The following SPG21 variants were observed in gnomAD, a reference collection of about 807,000 sequenced individuals.
The protein encoded by SPG21 is maspardin.
In SPG21, 26 loss-of-function variants were observed where a neutral mutation model predicts 38.9. The observed-to-expected ratio is 0.67, with a 90% CI of 0.49 to 0.93. The LOEUF is 0.93. SPG21 is among the 40% of genes least tolerant of loss of function. The pLI is 0.00. For missense variants in SPG21, 333 were observed against 376.5 expected (o/e 0.88, Z 0.96); for synonymous variants, 136 against 128.9 (o/e 1.05, Z -0.37).
intron 7 of SPG21, 79 bp from the exon 8 acceptor site, chr15:64,965,539 G>A (rs1342691515): frequency 6.3e-7 from 1 of 1,579,956 alleles, no homozygotes; most frequent in African/African-American, 1.3e-5. Flanking sequence ...ATCAACTAGT[G>A]TTTTAATATG....
intron 5 of SPG21, among the ~76,000 whole-genome samples, chr15:64,972,987 AG>A (rs2085701262): frequency 1.3e-5 from 2 of 152,078 alleles, no homozygotes; most frequent in African/African-American, 4.8e-5. Flanking sequence ...TTTTTGAAGT[AG>A]GGTCTTGCTC....
intron 2 of SPG21, chr15:64,983,078 T>C: frequency 4.3e-6 from 1 of 233,714 alleles, no homozygotes; most frequent in Non-Finnish European, 9.3e-6. Flanking sequence ...GCCAACATGG[T>C]GAAACTCTGC....
At chr15:64,967,222 AC>A (rs909512588) in intron 7 of SPG21, among the ~76,000 whole-genome samples, 8 of 152,092 alleles carry the variant, frequency 5.3e-5, no homozygotes, top group African/African-American at 1.7e-4. Context: ...GGATACATCT[AC>A]TATGTACCCA....
intron 6 of SPG21, 104 bp downstream of exon 6, chr15:64,970,010 A>C (rs2085629026): frequency 1.0e-6 from 1 of 980,946 alleles, no homozygotes; most frequent in Non-Finnish European, 1.6e-6. Flanking sequence ...CTGCTTAGCA[A>C]ATACCTCTTA....
At chr15:64,964,825 T>G in intron 8 of SPG21, among the ~76,000 whole-genome samples, 1 of 152,096 alleles carries the variant, frequency 6.6e-6, no homozygotes, top group South Asian at 2.1e-4. Flanking sequence ...GTAGAGACGG[T>G]TTCACCATAT....
At chr15:64,967,630 T>C (rs2085569165) in intron 7 of SPG21, among the ~76,000 whole-genome samples, 1 of 152,146 alleles carries the variant, frequency 6.6e-6, no homozygotes, top group South Asian at 2.1e-4. Flanking sequence ...TGTGCCACCA[T>C]GCCCGGCTAA....
intron 3 of SPG21, among the ~76,000 whole-genome samples, chr15:64,979,478 C>T (rs146960577): frequency 1.3e-5 from 2 of 152,120 alleles, no homozygotes; most frequent in Non-Finnish European, 2.9e-5. Flanking sequence ...AAACATGTCA[C>T]GTGAGGAATG....
At chr15:64,983,618 C>T in intron 1 of SPG21, 25 bp from the exon 2 acceptor site, 1 of 1,366,410 alleles carries the variant, frequency 7.3e-7, no homozygotes, top group Non-Finnish European at 1.0e-6. Context: ...TGTGATATTT[C>T]ACGTCAAGAA....
intron 1 of SPG21, 79 bp downstream of exon 1, chr15:64,989,586 A>T (rs1262080944): frequency 6.5e-6 from 1 of 153,718 alleles, no homozygotes; most frequent in Non-Finnish European, 1.4e-5. Flanking sequence ...CAACCAAGGC[A>T]GCCACGCGCC....
At chr15:64,983,358 G>C in intron 2 of SPG21, 149 bp downstream of exon 2, 1 of 624,296 alleles carries the variant, frequency 1.6e-6, no homozygotes, top group South Asian at 1.9e-5. Flanking sequence ...ACATGACAGG[G>C]AAGGAGTGAA....
chr15:64,964,006 C>T (rs1409258514), intron 8 of SPG21, among the ~76,000 whole-genome samples: 2 of 152,140 alleles, frequency 1.3e-5, no homozygotes, highest in African/African-American at 4.8e-5. Context: ...ATCCATCTGC[C>T]TCGGCCTCCC....
intron 3 of SPG21, among the ~76,000 whole-genome samples, chr15:64,979,395 C>T (rs2140437748): frequency 6.6e-6 from 1 of 152,292 alleles, no homozygotes; most frequent in South Asian, 2.1e-4. Context: ...AGTTCCCACC[C>T]TGTTCTAGAA....
At position 64,981,122 on chromosome 15, in the gene SPG21, G is replaced by A. The variant is rs116349414; in HGVS notation, c.64-97C>T. On this transcript the variant is annotated intron_variant, in intron 2 of 8. Transcript: ENST00000204566. ...TTTCACTGACAATTTTACTACTACT[G>A]CCTTGTTTGTTACAAGGTAACCTGG... 1.9e-3 allele frequency: 2,738 copies of A among 1,450,688 alleles called. 63 individuals carry two copies. In the African/African-American group the frequency reaches 0.035, roughly 19 times the overall value. 89.9% of individuals were successfully genotyped at this position (1,450,688 alleles called of 1,614,324 possible). A position where few individuals can be genotyped will look rare whatever the true frequency, so the allele number is the denominator to read the frequency against.
rs1435085211 is a variant in SPG21, at chr15:64,963,897, C to T, written c.811-161G>A. On this transcript the variant is annotated intron_variant, in intron 8 of 8. Coordinates refer to ENST00000204566, the MANE Select transcript of SPG21 (RefSeq NM_016630.7). ...TCAGCCTCCCGAGTAGCTGGGATTACAGGTGCCCGCCACCATGCCCAGCTA... is the reference window on the plus strand; with the variant it reads ...TCAGCCTCCCGAGTAGCTGGGATTATAGGTGCCCGCCACCATGCCCAGCTA... Among the ~76,000 whole-genome samples the T allele has an allele frequency of 4.6e-5, 7 of 152,214 alleles. 1 individual carries two copies. In the South Asian group the frequency reaches 8.3e-4, roughly 18 times the overall value.
intron 5 of SPG21, 84 bp downstream of exon 5, chr15:64,974,516 TAA>T: frequency 1.3e-6 from 2 of 1,504,664 alleles, no homozygotes; most frequent in Admixed American, 1.8e-5. Flanking sequence ...GAAGTAGATA[TAA>T]GTCTTCCCTT....
intron 1 of SPG21, among the ~76,000 whole-genome samples, chr15:64,984,967 C>T (rs2085961359): frequency 6.6e-6 from 1 of 151,742 alleles, no homozygotes; most frequent in African/African-American, 2.4e-5. Context: ...GCCAGGCTGG[C>T]CTTGAGCTCC....
chr15:64,975,788 G>A (rs1442942139), intron 4 of SPG21, among the ~76,000 whole-genome samples: 6 of 152,062 alleles, frequency 3.9e-5, no homozygotes, highest in East Asian at 3.9e-4. Context: ...AAAGAGAAAC[G>A]AAGTATTGAT....
intron 5 of SPG21, among the ~76,000 whole-genome samples, chr15:64,970,608 G>A (rs887760055): frequency 1.3e-4 from 19 of 151,996 alleles, no homozygotes; most frequent in Admixed American, 9.2e-4. Flanking sequence ...TGTTTTTATC[G>A]ATTGATATTT....
rs769877919 is a variant in SPG21 at position 64,980,822 on chromosome 15, A to AC, written c.225+41dup. On this transcript the variant is annotated intron_variant, in intron 3 of 8. Coordinates refer to ENST00000204566, the MANE Select transcript of SPG21 (RefSeq NM_016630.7). Reference sequence around the variant, plus strand: ...GAGACAGAAGCATAAAAAAAAAAAAACACACAAAACGTGGGTCTGAATTTT... The same window carrying AC: ...GAGACAGAAGCATAAAAAAAAAAAAACCACACAAAACGTGGGTCTGAATTTT... 2.9e-5 allele frequency: 47 copies of AC among 1,603,742 alleles called. No individual in the cohort carries two copies. The South Asian group carries it at 5.0e-4, about 17-fold the overall frequency.
Sources: allele counts gnomAD v4.1 joint callset (sites outside exome capture counted in the v4.1 genomes callset), GRCh38; gene constraint gnomAD v4.1.1; transcripts MANE v1.5; gene names NCBI Gene and HGNC (gene_info 2026-07-23, HGNC 2026-07-21).